The following SLC9A5 variants were observed in gnomAD, a reference collection of about 807,000 sequenced individuals.
SLC9A5 encodes sodium/hydrogen exchanger 5.
In SLC9A5, 52 loss-of-function variants were observed where a neutral mutation model predicts 91.7. That is an observed-to-expected ratio of 0.57 (90% CI 0.45 to 0.71). The LOEUF (loss-of-function observed/expected upper bound fraction) is 0.71, where lower values mean the gene tolerates loss of function less well. Among genes scored for constraint, SLC9A5 ranks in the 30% least tolerant of loss-of-function variants. The probability of loss-of-function intolerance (pLI) is 0.00; values close to 1 mark genes in which losing one functional copy is unlikely to be tolerated. For missense variants in SLC9A5, 871 were observed against 1,158.9 expected, an observed-to-expected ratio of 0.75 and a Z score of 3.61; for synonymous variants, 419 against 474.5, an observed-to-expected ratio of 0.88 and a Z score of 1.52.
rs939453669 is a variant in SLC9A5, at chr16:67,251,403, C to CTTTTTTTTTTTTT, written c.188-1123_188-1111dup. On this transcript the variant is annotated intron_variant, in intron 1 of 15. Transcript: ENST00000299798. ...TGCTAAGTGCTTTTGAGTAGATTGT[C>CTTTTTTTTTTTTT]TTTTTTTTTTTTTTTTTTTTTTTTT... 4.6e-5 allele frequency among the ~76,000 whole-genome samples: 3 copies of CTTTTTTTTTTTTT among 64,808 alleles called. 1 individual carries two copies. The highest frequency in any genetic ancestry group is 8.6e-5 in the Non-Finnish European group (3 of 34,844). The allele number at this position is 64,808 out of a possible 152,430, so 42.5% of individuals were successfully genotyped here.
At chr16:67,251,902 AG>A (rs1043907947) in intron 1 of SLC9A5, among the ~76,000 whole-genome samples, 2 of 152,204 alleles carry the variant, frequency 1.3e-5, no homozygotes, top group Admixed American at 6.5e-5. Context: ...ACATATAAAA[AG>A]ATACTGGGTA....
chr16:67,264,317 C>G, intron 12 of SLC9A5, 35 bp from the exon 13 acceptor site: 1 of 1,604,548 alleles, frequency 6.2e-7, no homozygotes, highest in Non-Finnish European at 8.5e-7. Flanking sequence ...GCCAAGGCAT[C>G]CATCCTCATA....
At chr16:67,259,727 T>C in intron 11 of SLC9A5, 66 bp downstream of exon 11, 1 of 1,594,054 alleles carries the variant, frequency 6.3e-7, no homozygotes, top group Admixed American at 1.7e-5. Flanking sequence ...CTGAGTCCCT[T>C]CTGGGGGAGA....
chr16:67,267,081 G>GTTTTTTTTTTT (rs980874306), intron 15 of SLC9A5, among the ~76,000 whole-genome samples: 2 of 47,746 alleles, frequency 4.2e-5, no homozygotes, highest in Non-Finnish European at 7.7e-5. Context: ...CCCAGCTGTT[G>GTTTTTTTTTTT]TTTTTTTTTT....
At chr16:67,269,822 G>A (rs1041315034) in intron 15 of SLC9A5, among the ~76,000 whole-genome samples, 2 of 152,144 alleles carry the variant, frequency 1.3e-5, no homozygotes, top group Non-Finnish European at 2.9e-5. Flanking sequence ...CAGAACCTCA[G>A]ATTTCCTGTA....
In SLC9A5 at chr16:67,255,181, C is replaced by CGTG; in HGVS notation, c.654+1_654+3dup. 1 of 1,612,524 alleles carries CGTG rather than the reference C, an allele frequency of 6.2e-7. No homozygotes were observed. Among genetic ancestry groups the CGTG allele is most frequent in the Non-Finnish European group, 8.5e-7 (1 of 1,179,032 alleles). ...AGTCCCTGCTCAACGATGCTGTCAC[C>CGTG]GTGGTGAGCGTGCTCAGCTGACTGC... is the stretch of plus-strand genomic sequence containing the variant. On this transcript the variant is annotated inframe_insertion, in exon 3 of 16. Transcript: ENST00000299798. This position sits in a 1 kb window ranked among gnomAD's most constrained non-coding sequence, Gnocchi z 4.9.
At chr16:67,260,106 T>TGGGAGGCCAAGACA (rs1456723353) in intron 12 of SLC9A5, among the ~76,000 whole-genome samples, 160 bp downstream of exon 12, 2 of 151,864 alleles carry the variant, frequency 1.3e-5, no homozygotes, top group Non-Finnish European at 2.9e-5. Context: ...CTCAGCACTT[T>TGGGAGGCCAAGACA]GGGAGGCCAA....
rs983028490 is a variant in SLC9A5, at chr16:67,255,437, C to T, written c.699C>T (p.Ala233=). The change falls in exon 4 of 16, where the codon GCC becomes GCT. Residue 233 remains alanine, a synonymous_variant. Transcript: ENST00000299798. The surrounding 1 kb of genome is among the most constrained non-coding windows in gnomAD (Gnocchi z 4.9). The part of the protein sequence containing the change: ...VCNSFVEMGS[A]NVQATDYLKG... Reference sequence around the variant, plus strand: ...ACTCCTTTGTGGAGATGGGCTCTGCCAATGTGCAGGCCACTGACTACCTGA... The same window carrying T: ...ACTCCTTTGTGGAGATGGGCTCTGCTAATGTGCAGGCCACTGACTACCTGA... 6.2e-7 allele frequency: 1 copy of T among 1,614,110 alleles called. No homozygotes were observed. The highest frequency in any genetic ancestry group is 1.7e-5 in the Admixed American group (1 of 60,024).
intron 1 of SLC9A5, among the ~76,000 whole-genome samples, chr16:67,250,924 AAGTAGGAGTGGCTAT>A (rs1359006274): frequency 1.3e-5 from 2 of 152,154 alleles, no homozygotes; most frequent in African/African-American, 4.8e-5. Flanking sequence ...TAGAGGACAA[AAGTAGGAGTGGCTAT>A]AGTGCTAGAA....
At position 67,249,048 on chromosome 16, in the gene SLC9A5, C is replaced by T. The variant is rs1208583790; in HGVS notation, c.34C>T (p.Pro12Ser). ...CGCCGCCCTGTCCCTGCTCGCGCTG[C>T]CCCTGGCGGGGGCGGCCGAAGAGCC... ...LRAALSLLAL[P>S]LAGAAEEPTQ... Residue 12 changes from proline to serine, a missense_variant, in exon 1 of 16, where the codon CCC becomes TCC. By Grantham distance (74) the Pro-to-Ser change is moderately conservative. Transcript: ENST00000299798. 4 of 1,504,090 alleles carry T rather than the reference C, an allele frequency of 2.7e-6. No homozygotes were observed. The highest frequency in any genetic ancestry group is 1.2e-5 in the South Asian group (1 of 81,092). 93.2% of individuals were successfully genotyped at this position (1,504,090 alleles called of 1,614,324 possible).
chr16:67,264,514 C>G lies in SLC9A5; in HGVS notation c.2005C>G (p.Arg669Gly), dbSNP rs763930444. ...KSKPRPRKTGRRKKDGVANAE... is the reference protein window; with the variant it reads ...KSKPRPRKTGGRKKDGVANAE... ...CAAGCCACGACCCCGCAAGACTGGC[C>G]GCAGGAAGGCATGTCTTCCCTCAGG... is the stretch of plus-strand genomic sequence containing the variant. The change falls in exon 13 of 16, where the codon CGC (arginine) becomes GGC (glycine). Residue 669 changes from arginine to glycine, a missense_variant. Coordinates refer to ENST00000299798, the MANE Select transcript of SLC9A5 (RefSeq NM_004594.3). The G allele has an allele frequency of 1.9e-6, 3 of 1,614,002 alleles. No homozygotes were observed. The highest frequency in any genetic ancestry group is 2.5e-6 in the Non-Finnish European group (3 of 1,179,994).
At position 67,270,724 on chromosome 16, in the gene SLC9A5, C is replaced by T. The variant is rs2035886754; in HGVS notation, c.2219-14C>T. On this transcript the variant is annotated splice_polypyrimidine_tract_variant and intron_variant, in intron 15 of 15. Transcript: ENST00000299798. This position sits in a 1 kb window ranked among gnomAD's most constrained non-coding sequence, Gnocchi z 4.3. ...TGTATTGGTAATGAGTTCATGTGTA[C>T]TCTCTGTCCCCAGGAAGCCTTGAGG... The T allele has an allele frequency of 4.5e-6, 7 of 1,558,386 alleles. No individual in the cohort carries two copies. The highest frequency in any genetic ancestry group is 6.1e-6 in the Non-Finnish European group (7 of 1,143,712).
chr16:67,256,389 T>G lies in SLC9A5; in HGVS notation c.912-80T>G, dbSNP rs776447027. On this transcript the variant is annotated intron_variant, in intron 5 of 15. Transcript: ENST00000299798. This position sits in a 1 kb window ranked among gnomAD's most constrained non-coding sequence, Gnocchi z 4.1. ...ACATCCTGTAATGGGCAATGCCCCCTCCTGCAGTATGCTCAAACCCTGGAG... is the reference window on the plus strand; with the variant it reads ...ACATCCTGTAATGGGCAATGCCCCCGCCTGCAGTATGCTCAAACCCTGGAG... The G allele has an allele frequency of 3.1e-6, 3 of 963,388 alleles. No individual in the cohort carries two copies. Among genetic ancestry groups the G allele is most frequent in the Non-Finnish European group, 4.9e-6 (3 of 607,304 alleles). 59.7% of individuals were successfully genotyped at this position (963,388 alleles called of 1,614,324 possible).
At chr16:67,249,693 C>T (rs2035038246) in intron 1 of SLC9A5, among the ~76,000 whole-genome samples, 1 of 152,186 alleles carries the variant, frequency 6.6e-6, no homozygotes, top group Non-Finnish European at 1.5e-5. Flanking sequence ...TGCCACTTTT[C>T]CTCCAGCTCT....
In SLC9A5 at chr16:67,256,562, A is replaced by G; in HGVS notation, c.1005A>G (p.Leu335=). The change falls in exon 6 of 16, where the codon CTA becomes CTG. Residue 335 remains leucine (L), a synonymous_variant. Coordinates refer to ENST00000299798, the MANE Select transcript of SLC9A5 (RefSeq NM_004594.3). The surrounding 1 kb of genome is among the most constrained non-coding windows in gnomAD (Gnocchi z 4.1). ...RTTVKYTMKT[L]ASCAETVIFM... ...CTGTCAAATATACAATGAAGACTCT[A>G]GCCAGCTGTGCTGAGACCGTGATCT... is the stretch of plus-strand genomic sequence containing the variant. 2 of 1,613,982 alleles carry G rather than the reference A, an allele frequency of 1.2e-6. No individual in the cohort carries two copies. Among genetic ancestry groups the G allele is most frequent in the Admixed American group, 1.7e-5 (1 of 60,030 alleles).
rs1428612982 is a variant in SLC9A5, at chr16:67,259,828, G to C, written c.1724G>C (p.Ser575Thr). ...TCCCCTGCCTCCTGCAGGAGGGAGA[G>C]TGGCAGTGGAGCGTGTCTGGATCTG... ...ETSVTNLLRE[S>T]GSGACLDLQV... The change falls in exon 12 of 16, where the codon AGT becomes ACT. Residue 575 changes from serine to threonine, a missense_variant. Ser to Thr is a moderately conservative substitution (Grantham distance 58). Around this residue, in one of 3 missense-constraint regions of SLC9A5, gnomAD observed 454 missense variants for 718.3 expected, o/e 0.63. Coordinates refer to ENST00000299798, the MANE Select transcript of SLC9A5 (RefSeq NM_004594.3). 1 of 1,614,068 alleles carries C rather than the reference G, an allele frequency of 6.2e-7. No homozygotes were observed. The highest frequency in any genetic ancestry group is 1.7e-5 in the Admixed American group (1 of 60,012).
rs1162810510 is a variant in SLC9A5, at chr16:67,271,252, G to T, written c.*42G>T. On this transcript the variant is annotated 3_prime_UTR_variant, in exon 16 of 16. Transcript: ENST00000299798. ...GGAGCAGGAGGTGGAATCCCTGTGG[G>T]AAGTGCTCCCTGGGTGATGGGTAGA... is the stretch of plus-strand genomic sequence containing the variant. 6.5e-7 allele frequency: 1 copy of T among 1,536,180 alleles called. No homozygotes were observed. Among genetic ancestry groups the T allele is most frequent in the Non-Finnish European group, 8.9e-7 (1 of 1,129,410 alleles).
Position 67,270,756 on chromosome 16 carries a change from C to T in SLC9A5, c.2237C>T (p.Pro746Leu). 3 of 1,609,522 alleles carry T rather than the reference C, an allele frequency of 1.9e-6. No individual in the cohort carries two copies. The highest frequency in any genetic ancestry group is 2.5e-6 in the Non-Finnish European group (3 of 1,177,212). Residue 746 changes from proline to leucine, a missense_variant, in exon 16 of 16, where the codon CCA becomes CTA. By Grantham distance (98) the Pro-to-Leu change is moderately conservative. Transcript: ENST00000299798. This position sits in a 1 kb window ranked among gnomAD's most constrained non-coding sequence, Gnocchi z 4.3. The stretch of plus-strand genomic sequence containing the variant: ...TCCCCAGGAAGCCTTGAGGTGTGCC[C>T]AAGCCCACGAATCATTCCCCCCTCC... ...GKVSGSLEVCPSPRIIPPSPT... is the reference protein window; with the variant it reads ...GKVSGSLEVCLSPRIIPPSPT...
In SLC9A5 at chr16:67,257,753, A is replaced by G; in HGVS notation, c.1496+152A>G. 1.3e-6 allele frequency: 1 copy of G among 786,882 alleles called. No individual in the cohort carries two copies. Among genetic ancestry groups the G allele is most frequent in the South Asian group, 1.6e-5 (1 of 60,660 alleles). 48.7% of individuals were successfully genotyped at this position (786,882 alleles called of 1,614,324 possible). On this transcript the variant is annotated intron_variant, in intron 9 of 15. Transcript: ENST00000299798. The surrounding 1 kb of genome is among the most constrained non-coding windows in gnomAD (Gnocchi z 5.1). ...CCTTCAGTGGCATCCCAGTGCTCTC[A>G]GGTTAAGACAAGGCTCCCCAGTGTG...
Sources: allele counts gnomAD v4.1 joint callset (sites outside exome capture counted in the v4.1 genomes callset), GRCh38; gene constraint gnomAD v4.1.1; regional missense constraint gnomAD v4.1.1; non-coding constraint Gnocchi (gnomAD v3.1); transcripts MANE v1.5; gene names NCBI Gene and HGNC (gene_info 2026-07-23, HGNC 2026-07-21).